The following NEK1 variants were observed in gnomAD, a reference collection of about 807,000 sequenced individuals.
NEK1 encodes serine/threonine-protein kinase Nek1.
Under a neutral mutation model 182.1 loss-of-function variants are expected in NEK1, and 137 were observed. The ratio of observed to expected loss-of-function variants is 0.75; its 90% CI spans 0.65 to 0.87. The LOEUF is 0.87. Ranked by LOEUF, NEK1 falls within the 40% of genes least tolerant of loss-of-function variation. The pLI, the probability that NEK1 is intolerant of heterozygous loss-of-function variation, is 0.00. For synonymous variants in NEK1, 513 were observed against 492.2 expected (o/e 1.04, Z -0.56); for missense variants, 1,391 against 1,494.4 (o/e 0.93, Z 1.14).
chr4:169,439,804 T>A (rs1040542381), intron 27 of NEK1, among the ~76,000 whole-genome samples: 1 of 150,630 alleles, frequency 6.6e-6, no homozygotes, highest in Non-Finnish European at 1.5e-5. Context: ...TATCTATATA[T>A]AGAAAGAAAT....
At chr4:169,552,149 GTAT>G (rs1371531069) in intron 18 of NEK1, among the ~76,000 whole-genome samples, 3 of 151,952 alleles carry the variant, frequency 2.0e-5, no homozygotes, top group Non-Finnish European at 4.4e-5. Flanking sequence ...AAGACAATGA[GTAT>G]TATTAAGAAA....
rs762611474 is a variant in NEK1, at chr4:169,508,806, G to C, written c.1712C>G (p.Ser571Cys). 7 of 1,590,922 alleles carry C rather than the reference G, an allele frequency of 4.4e-6. No homozygotes were observed. The African/African-American group carries it at 9.4e-5, about 21-fold the overall frequency. Reference sequence around the variant, plus strand: ...GTTTCTTGGCTTCCCTCCTCTTGAAGAGCTGGGCCTGCCTCCATACATAGC... The same window carrying C: ...GTTTCTTGGCTTCCCTCCTCTTGAACAGCTGGGCCTGCCTCCATACATAGC... ...LAAMYGGRPS[S>C]SRGGKPRNKE... Residue 571 changes from serine to cysteine, a missense_variant, in exon 20 of 36, where the codon TCT (serine) becomes TGT (cysteine). By Grantham distance (112) the Ser-to-Cys change is moderately radical (BLOSUM62 -1). This residue lies in a region of NEK1 where 1,216 missense variants were observed against 1,277.6 expected (regional missense o/e 0.95). Coordinates refer to ENST00000507142, the MANE Select transcript of NEK1 (RefSeq NM_001199397.3).
intron 19 of NEK1, among the ~76,000 whole-genome samples, chr4:169,510,226 CAA>C (rs1042598314): frequency 6.6e-5 from 10 of 152,282 alleles, no homozygotes; most frequent in African/African-American, 2.4e-4. Flanking sequence ...TGCCAATTCC[CAA>C]ACCTTGCAGC....
At chr4:169,597,161 A>T (rs1769646196) in intron 5 of NEK1, among the ~76,000 whole-genome samples, 1 of 152,266 alleles carries the variant, frequency 6.6e-6, no homozygotes, top group Non-Finnish European at 1.5e-5. Context: ...ACAATGTTCT[A>T]ATAAAAATAG....
intron 6 of NEK1, among the ~76,000 whole-genome samples, chr4:169,589,985 C>CA (rs1303136964): frequency 3.3e-5 from 5 of 151,584 alleles, no homozygotes; most frequent in Non-Finnish European, 5.9e-5. Flanking sequence ...ACAATAACAA[C>CA]AAAAAAAACC....
chr4:169,462,684 A>G (rs1025063164), intron 27 of NEK1, among the ~76,000 whole-genome samples: 7 of 152,154 alleles, frequency 4.6e-5, no homozygotes, highest in African/African-American at 1.7e-4. Flanking sequence ...ACAACTTCTA[A>G]AAAGAGGAAA....
intron 20 of NEK1, 122 bp from the exon 21 acceptor site, chr4:169,508,453 G>A (rs1227676335): frequency 8.4e-6 from 6 of 714,138 alleles, no homozygotes; most frequent in Non-Finnish European, 1.3e-5. Context: ...TAAAAGTTCT[G>A]AAATCCGGTT....
chr4:169,400,052 A>G (rs1429203284), intron 35 of NEK1, 173 bp downstream of exon 35: 4 of 708,866 alleles, frequency 5.6e-6, no homozygotes, highest in East Asian at 2.8e-5. Flanking sequence ...GTAAAAGTAT[A>G]TGACAGATCA....
Position 169,463,365 on chromosome 4 carries a change from C to T in NEK1, c.2465G>A (p.Gly822Asp). Residue 822 changes from glycine (G) to aspartate (D), a missense_variant, in exon 27 of 36, where the codon GGT becomes GAT. By Grantham distance (94) the Gly-to-Asp change is moderately conservative (BLOSUM62 -1). Around this residue, in one of 5 missense-constraint regions of NEK1, gnomAD observed 1,216 missense variants for 1,277.6 expected, o/e 0.95. Coordinates refer to ENST00000507142, the MANE Select transcript of NEK1 (RefSeq NM_001199397.3). ...GGCTCTTCTTGGAGATCCATTAGGA[C>T]CTAATTTAATAACTTCTCCCACTGT... ...RHTVGEVIKL[G>D]PNGSPRRAWG... 1 of 1,608,032 alleles carries T rather than the reference C, an allele frequency of 6.2e-7. No individual in the cohort carries two copies. Among genetic ancestry groups the T allele is most frequent in the African/African-American group, 1.3e-5 (1 of 74,768 alleles).
At chr4:169,484,199 C>T (rs1748637911) in intron 23 of NEK1, among the ~76,000 whole-genome samples, 1 of 152,176 alleles carries the variant, frequency 6.6e-6, no homozygotes, top group Admixed American at 6.5e-5. Flanking sequence ...CAGTTATGTG[C>T]CACCATGCCC....
chr4:169,526,373 C>G (rs1192476039), intron 19 of NEK1, among the ~76,000 whole-genome samples: 1 of 152,080 alleles, frequency 6.6e-6, no homozygotes, highest in African/African-American at 2.4e-5. Flanking sequence ...CCTATAGACC[C>G]AGCTACTCAG....
At chr4:169,496,170 G>A (rs1751229611) in intron 23 of NEK1, among the ~76,000 whole-genome samples, 1 of 152,158 alleles carries the variant, frequency 6.6e-6, no homozygotes, top group South Asian at 2.1e-4. Flanking sequence ...AAGCAATTGT[G>A]AATGGGAGTT....
Position 169,438,199 on chromosome 4 carries a change from CA to C in NEK1, c.2647del (p.Cys883ValfsTer6). On this transcript the variant is annotated frameshift_variant, in exon 28 of 36. Transcript: ENST00000507142. LOFTEE classifies it high-confidence loss of function. ...TGATGGGTTTATTTCATGTGAAATA[CA>C]TTGTACTTTTTTTTCTCCAGTAATT... The part of the protein sequence containing the change: ...PLITGEKKVQ[C>X]ISHEINPSAI... 6.3e-7 allele frequency: 1 copy of C among 1,586,602 alleles called. No homozygotes were observed. The highest frequency in any genetic ancestry group is 8.6e-7 in the Non-Finnish European group (1 of 1,164,562).
intron 19 of NEK1, among the ~76,000 whole-genome samples, chr4:169,536,623 A>C (rs1040123741): frequency 2.0e-5 from 3 of 152,220 alleles, no homozygotes; most frequent in African/African-American, 7.2e-5. Flanking sequence ...TAAATCTTGG[A>C]AAGTTCCTCT....
At chr4:169,464,191 A>G (rs1161779797) in intron 26 of NEK1, among the ~76,000 whole-genome samples, 1 of 152,158 alleles carries the variant, frequency 6.6e-6, no homozygotes, top group Non-Finnish European at 1.5e-5. Flanking sequence ...GTTAAAAAAA[A>G]AGAGAGACAT....
chr4:169,432,782 T>G (rs1737671397), intron 29 of NEK1, among the ~76,000 whole-genome samples: 1 of 152,124 alleles, frequency 6.6e-6, no homozygotes, highest in Non-Finnish European at 1.5e-5. Flanking sequence ...ATTAATTAAT[T>G]AATTAATTAA....
chr4:169,468,452 G>A (rs1478372851), intron 26 of NEK1, among the ~76,000 whole-genome samples: 2 of 152,048 alleles, frequency 1.3e-5, no homozygotes, highest in African/African-American at 4.8e-5. Context: ...TTTGTAATGT[G>A]TGCATTTCAT....
chr4:169,528,956 G>A (rs569075699), intron 19 of NEK1, among the ~76,000 whole-genome samples: 4 of 152,040 alleles, frequency 2.6e-5, no homozygotes, highest in South Asian at 4.1e-4. Context: ...ACCAGAAAAC[G>A]ACAACAGAGA....
At chr4:169,508,878 T>A (rs1753745389) in intron 19 of NEK1, 26 bp from the exon 20 acceptor site, 1 of 1,534,866 alleles carries the variant, frequency 6.5e-7, no homozygotes, top group African/African-American at 1.4e-5. Context: ...TGTACTAAGT[T>A]TAAAGAATGA....
Sources: gnomAD v4.1 joint callset for allele counts (sites outside exome capture counted in the v4.1 genomes callset) on GRCh38, gnomAD v4.1.1 for gene constraint, gnomAD v4.1.1 regional missense constraint, MANE v1.5 for transcripts, NCBI Gene and HGNC (gene_info 2026-07-23, HGNC 2026-07-21) for gene names.